The following RHOJ variants were observed in gnomAD, a reference collection of about 807,000 sequenced individuals.
The protein encoded by RHOJ is ras homolog family member J.
Under a neutral mutation model 23.4 loss-of-function variants are expected in RHOJ, and 11 were observed. The ratio of observed to expected loss-of-function variants is 0.47; its 90% CI spans 0.30 to 0.78. The LOEUF (loss-of-function observed/expected upper bound fraction) is 0.78, where lower values mean the gene tolerates loss of function less well. Among genes scored for constraint, RHOJ ranks in the 30% least tolerant of loss-of-function variants. The probability of loss-of-function intolerance (pLI) is 0.08; values close to 1 mark genes in which losing one functional copy is unlikely to be tolerated. For synonymous variants in RHOJ, 102 were observed against 102.7 expected (o/e 0.99, Z 0.04); for missense variants, 254 against 273.4 (o/e 0.93, Z 0.50).
chr14:63,253,235 T>A (rs562415130), intron 1 of RHOJ, among the ~76,000 whole-genome samples: 1 of 152,286 alleles, frequency 6.6e-6, no homozygotes, highest in African/African-American at 2.4e-5. Context: ...CTGCTAAAAG[T>A]ACACTTCCCT....
chr14:63,271,651 G>A (rs937713419), intron 2 of RHOJ, among the ~76,000 whole-genome samples: 1 of 152,220 alleles, frequency 6.6e-6, no homozygotes, highest in African/African-American at 2.4e-5. Flanking sequence ...CTAGAGCGCA[G>A]TGGCGCAATC....
chr14:63,254,414 C>G (rs1490485280), intron 1 of RHOJ, among the ~76,000 whole-genome samples: 2 of 152,094 alleles, frequency 1.3e-5, no homozygotes, highest in Non-Finnish European at 2.9e-5. Context: ...TTGATGTGAT[C>G]CCCTGAGAAA....
intron 1 of RHOJ, among the ~76,000 whole-genome samples, chr14:63,254,637 AAG>A (rs1266091270): frequency 6.6e-6 from 1 of 152,052 alleles, no homozygotes; most frequent in African/African-American, 2.4e-5. Context: ...AGTCAAGGAG[AAG>A]AGAGAAGCGG....
intron 1 of RHOJ, among the ~76,000 whole-genome samples, chr14:63,254,948 T>G (rs1033084972): frequency 3.9e-5 from 6 of 152,312 alleles, no homozygotes; most frequent in Admixed American, 2.0e-4. Context: ...AATATTGGAC[T>G]GAACAACAGA....
chr14:63,235,365 G>A (rs1254497787), intron 1 of RHOJ, among the ~76,000 whole-genome samples: 1 of 152,200 alleles, frequency 6.6e-6, no homozygotes, highest in Non-Finnish European at 1.5e-5. Context: ...TTAATATGCA[G>A]TGATTTAGAT....
chr14:63,229,792 G>T (rs956979839), intron 1 of RHOJ, among the ~76,000 whole-genome samples: 1 of 152,186 alleles, frequency 6.6e-6, no homozygotes, highest in Non-Finnish European at 1.5e-5. Context: ...CAGCTGATTG[G>T]TAACTTCATT....
At chr14:63,227,934 A>T (rs754424327) in intron 1 of RHOJ, among the ~76,000 whole-genome samples, 16 of 152,210 alleles carry the variant, frequency 1.1e-4, no homozygotes, top group Non-Finnish European at 2.2e-4. Context: ...TAGATTTATT[A>T]ATTTGAATTT....
chr14:63,227,691 A>G (rs1894620245), intron 1 of RHOJ, among the ~76,000 whole-genome samples: 1 of 152,240 alleles, frequency 6.6e-6, no homozygotes, highest in Non-Finnish European at 1.5e-5. Context: ...AACATAGAAA[A>G]TGCAAAGGGG....
At chr14:63,215,382 A>G (rs1378782420) in intron 1 of RHOJ, among the ~76,000 whole-genome samples, 4 of 152,182 alleles carry the variant, frequency 2.6e-5, no homozygotes, top group Non-Finnish European at 5.9e-5. Context: ...TGGTAAATCA[A>G]CTGAATCCAG....
At chr14:63,272,704 C>A (rs149517275) in intron 2 of RHOJ, among the ~76,000 whole-genome samples, 64 of 152,302 alleles carry the variant, frequency 4.2e-4, no homozygotes, top group African/African-American at 1.5e-3. Context: ...CCTGCCCCTC[C>A]GCAATTCAGG....
intron 4 of RHOJ, chr14:63,284,313 T>G (rs1316216903): frequency 1.0e-6 from 1 of 985,250 alleles, no homozygotes; most frequent in Non-Finnish European, 1.2e-6. Context: ...ATCGAGATAC[T>G]GAACTCTTCC....
intron 1 of RHOJ, among the ~76,000 whole-genome samples, chr14:63,211,536 G>A (rs1215211141): frequency 6.6e-6 from 1 of 152,130 alleles, no homozygotes; most frequent in Admixed American, 6.5e-5. Flanking sequence ...TTTTGATATA[G>A]GCATATAATG....
At chr14:63,272,426 GA>G (rs1895487719) in intron 2 of RHOJ, among the ~76,000 whole-genome samples, 1 of 152,182 alleles carries the variant, frequency 6.6e-6, no homozygotes, top group African/African-American at 2.4e-5. Context: ...ACCACAAAAA[GA>G]AAATGTCTCT....
At chr14:63,213,446 G>A (rs539186573) in intron 1 of RHOJ, among the ~76,000 whole-genome samples, 1 of 152,142 alleles carries the variant, frequency 6.6e-6, no homozygotes, top group Non-Finnish European at 1.5e-5. Context: ...CTGCATCCAT[G>A]TTGCTGCAAA....
At chr14:63,229,377 T>C (rs67162923) in intron 1 of RHOJ, among the ~76,000 whole-genome samples, 16,245 of 152,290 alleles carry the variant, frequency 0.11, 1,033 homozygotes, top group African/African-American at 0.16. Flanking sequence ...AGGTCAGAAG[T>C]CCAGCAGGCA....
At chr14:63,262,720 A>C (rs1895293591) in intron 1 of RHOJ, among the ~76,000 whole-genome samples, 1 of 152,188 alleles carries the variant, frequency 6.6e-6, no homozygotes, top group Non-Finnish European at 1.5e-5. Flanking sequence ...GAAGAACTTT[A>C]TTCTGCCCCT....
chr14:63,236,048 T>C (rs1378314425), intron 1 of RHOJ, among the ~76,000 whole-genome samples: 4 of 152,254 alleles, frequency 2.6e-5, no homozygotes, highest in Non-Finnish European at 5.9e-5. Context: ...AAAGCAGCAA[T>C]CATGAACAGG....
rs1193269732 is a variant in RHOJ at position 63,292,246 on chromosome 14, G to A, written c.*1222G>A. On this transcript the variant is annotated 3_prime_UTR_variant, in exon 5 of 5. Coordinates refer to ENST00000316754, the MANE Select transcript of RHOJ (RefSeq NM_020663.5). ...CTTACTCATCCTCCCAAATGTCTTT[G>A]TGGGAGCCATATCAGTGGATACCAA... 3.9e-5 allele frequency: 6 copies of A among 152,134 alleles called. No individual in the cohort carries two copies. The highest frequency in any genetic ancestry group is 1.4e-4 in the African/African-American group (6 of 41,488). The allele number at this position is 152,134 out of a possible 1,614,324, so 9.4% of individuals were successfully genotyped here.
intron 2 of RHOJ, among the ~76,000 whole-genome samples, chr14:63,276,619 G>T (rs1881726093): frequency 6.6e-6 from 1 of 152,052 alleles, no homozygotes; most frequent in South Asian, 2.1e-4. Flanking sequence ...ACAGAAGAGA[G>T]ATCCAGAATA....
Sources: allele counts gnomAD v4.1 joint callset (sites outside exome capture counted in the v4.1 genomes callset), GRCh38; gene constraint gnomAD v4.1.1; transcripts MANE v1.5; gene names NCBI Gene and HGNC (gene_info 2026-07-23, HGNC 2026-07-21).